The following CECR2 variants were observed in gnomAD, a reference collection of about 807,000 sequenced individuals.
CECR2 encodes CECR2 histone acetyl-lysine reader.
Under a neutral mutation model 154.5 loss-of-function variants are expected in CECR2, and 30 were observed. That is an observed-to-expected ratio of 0.19 (90% CI 0.15 to 0.26). CECR2 has a LOEUF of 0.26. Ranked by LOEUF, CECR2 falls within the 10% of genes least tolerant of loss-of-function variation. CECR2 has a pLI of 1.00. For missense variants in CECR2, 1,743 were observed against 1,829.3 expected (o/e 0.95, Z 0.86); for synonymous variants, 725 against 683.7 (o/e 1.06, Z -0.94).
chr22:17,415,900 C>T (rs2054150467), intron 1 of CECR2, among the ~76,000 whole-genome samples: 1 of 152,206 alleles, frequency 6.6e-6, no homozygotes, highest in South Asian at 2.1e-4. Flanking sequence ...TGCAACACAC[C>T]TTTCTCTTAG....
chr22:17,423,675 A>G (rs762302118), intron 1 of CECR2, among the ~76,000 whole-genome samples: 7 of 152,084 alleles, frequency 4.6e-5, no homozygotes, highest in Non-Finnish European at 8.8e-5. Flanking sequence ...ATACACCATG[A>G]GTGGGTTCCC....
chr22:17,489,020 C>G (rs1159204087), intron 2 of CECR2, among the ~76,000 whole-genome samples: 3 of 151,966 alleles, frequency 2.0e-5, no homozygotes, highest in African/African-American at 7.2e-5. Context: ...GGTGCTATCT[C>G]TGCTCACTGC....
chr22:17,495,567 T>TAAAAAAA (rs35952986), intron 2 of CECR2, among the ~76,000 whole-genome samples: 114 of 124,818 alleles, frequency 9.1e-4, no homozygotes, highest in African/African-American at 3.3e-3. Context: ...AAAACTCCAT[T>TAAAAAAA]AAAAAAAAAA....
chr22:17,410,285 A>C (rs918423128), intron 1 of CECR2, among the ~76,000 whole-genome samples: 4 of 151,970 alleles, frequency 2.6e-5, no homozygotes, highest in African/African-American at 9.7e-5. Flanking sequence ...GGCCCTGTCA[A>C]CTATTTTTTT....
At chr22:17,465,248 G>A (rs774089226) in intron 1 of CECR2, among the ~76,000 whole-genome samples, 10 of 151,452 alleles carry the variant, frequency 6.6e-5, no homozygotes, top group Non-Finnish European at 8.8e-5. Context: ...CGCCCGCCTC[G>A]GCCTCCCAAA....
intron 2 of CECR2, among the ~76,000 whole-genome samples, chr22:17,480,613 G>T (rs1441906372): frequency 6.6e-6 from 1 of 152,056 alleles, no homozygotes; most frequent in Admixed American, 6.6e-5. Flanking sequence ...TTCCACATGC[G>T]GTTACTGTGA....
chr22:17,470,859 C>A (rs968819565), intron 1 of CECR2, among the ~76,000 whole-genome samples: 5 of 152,172 alleles, frequency 3.3e-5, no homozygotes, highest in African/African-American at 1.2e-4. Flanking sequence ...CCAAATTAAC[C>A]TTCCAAGTTT....
At chr22:17,434,249 C>T (rs550316589) in intron 1 of CECR2, among the ~76,000 whole-genome samples, 9 of 152,284 alleles carry the variant, frequency 5.9e-5, no homozygotes, top group South Asian at 2.1e-4. Flanking sequence ...GAGGAAAGGC[C>T]ACTCACGTTA....
At chr22:17,536,087 A>G (rs749191697) in intron 9 of CECR2, among the ~76,000 whole-genome samples, 13 of 152,012 alleles carry the variant, frequency 8.6e-5, no homozygotes, top group Non-Finnish European at 1.8e-4. Flanking sequence ...CATCCCTACT[A>G]AAAATACAAA....
At chr22:17,466,699 A>G (rs1459330479) in intron 1 of CECR2, among the ~76,000 whole-genome samples, 1 of 151,506 alleles carries the variant, frequency 6.6e-6, no homozygotes, top group Non-Finnish European at 1.5e-5. Flanking sequence ...GGTTCAAGCA[A>G]TTCTCCTGCC....
At chr22:17,408,198 C>G (rs1002585590) in intron 1 of CECR2, among the ~76,000 whole-genome samples, 1 of 145,972 alleles carries the variant, frequency 6.9e-6, no homozygotes, top group Non-Finnish European at 1.5e-5. Context: ...CCCTGTACCC[C>G]CCTCAGCCCC....
chr22:17,384,817 T>C (rs2063240024), intron 1 of CECR2, among the ~76,000 whole-genome samples: 1 of 152,220 alleles, frequency 6.6e-6, no homozygotes, highest in Non-Finnish European at 1.5e-5. Flanking sequence ...TTCTCCTCTC[T>C]AGCTATTAAA....
intron 1 of CECR2, among the ~76,000 whole-genome samples, chr22:17,416,816 A>G (rs1426426844): frequency 6.6e-6 from 1 of 152,120 alleles, no homozygotes; most frequent in Non-Finnish European, 1.5e-5. Flanking sequence ...TCATACTATT[A>G]TAGATGGATC....
chr22:17,496,543 G>A (rs1053435804), intron 2 of CECR2, among the ~76,000 whole-genome samples: 1 of 151,864 alleles, frequency 6.6e-6, no homozygotes, highest in Admixed American at 6.6e-5. Flanking sequence ...AAAAAATTTA[G>A]AATGCAGTGT....
intron 2 of CECR2, among the ~76,000 whole-genome samples, chr22:17,487,048 C>T (rs913795800): frequency 1.3e-5 from 2 of 152,110 alleles, no homozygotes; most frequent in East Asian, 1.9e-4. Flanking sequence ...TTTTTCAGCT[C>T]GATGGTGAAA....
chr22:17,424,872 A>G (rs2054307656), intron 1 of CECR2: 1 of 152,226 alleles, frequency 6.6e-6, no homozygotes, highest in Admixed American at 6.5e-5. Context: ...TTCTAAAGCC[A>G]TGTTTTTGCC....
At chr22:17,472,564 C>T (rs2055145068) in intron 1 of CECR2, among the ~76,000 whole-genome samples, 2 of 152,122 alleles carry the variant, frequency 1.3e-5, no homozygotes, top group East Asian at 3.9e-4. Context: ...ACAACAAACA[C>T]GATTTTTTTT....
intron 1 of CECR2, among the ~76,000 whole-genome samples, chr22:17,374,981 GA>G (rs2063100792): frequency 6.6e-6 from 1 of 152,202 alleles, no homozygotes; most frequent in East Asian, 1.9e-4. Context: ...GACCCATATG[GA>G]ATGGCCAGAT....
chr22:17,375,582 T>C (rs2063109245), intron 1 of CECR2, among the ~76,000 whole-genome samples: 1 of 152,104 alleles, frequency 6.6e-6, no homozygotes, highest in South Asian at 2.1e-4. Context: ...CACAGGGCCA[T>C]GGTGAGGTGT....
Sources: allele counts gnomAD v4.1 joint callset (sites outside exome capture counted in the v4.1 genomes callset), GRCh38; gene constraint gnomAD v4.1.1; transcripts MANE v1.5; gene names NCBI Gene and HGNC (gene_info 2026-07-23, HGNC 2026-07-21).